ZFP90: variants seen among roughly 807,000 people sequenced by gnomAD.
ZFP90 encodes ZFP90 zinc finger protein.
A neutral mutation model predicts 60.8 loss-of-function variants in ZFP90; 38 were observed. The ratio of observed to expected loss-of-function variants is 0.62; its 90% confidence interval spans 0.48 to 0.82. ZFP90 has a LOEUF of 0.82. Ranked by LOEUF, ZFP90 falls within the 40% of genes least tolerant of loss-of-function variation. The pLI is 0.00. For synonymous variants in ZFP90, 287 were observed against 264.8 expected (o/e 1.08, Z -0.82); for missense variants, 711 against 759.1 (o/e 0.94, Z 0.74).
chr16:68,548,907 A>G (rs957869634), intron 2 of ZFP90, among the ~76,000 whole-genome samples: 1 of 152,086 alleles, frequency 6.6e-6, no homozygotes, highest in African/African-American at 2.4e-5. Context: ...TGTTAATGCC[A>G]TCGTTTTTCT....
chr16:68,566,084 G>C lies in ZFP90; in HGVS notation c.*1386G>C. 1 of 973,102 alleles carries C rather than the reference G, an allele frequency of 1.0e-6. No homozygotes were observed. Among genetic ancestry groups the C allele is most frequent in the South Asian group, 4.7e-5 (1 of 21,062 alleles). The allele number at this position is 973,102 out of a possible 1,614,324, so 60.3% of individuals were successfully genotyped here. A position where few individuals can be genotyped will look rare whatever the true frequency, so the allele number is the denominator to read the frequency against. ...GGGAGCAGAGACTGCAGTGAGCTGA[G>C]ATCACACTACTGCATTCCAGCCTGA... On this transcript the variant is annotated 3_prime_UTR_variant, in exon 5 of 5. Coordinates refer to ENST00000563169, the MANE Select transcript of ZFP90 (RefSeq NM_001305203.2).
At chr16:68,553,994 TGA>T in intron 2 of ZFP90, among the ~76,000 whole-genome samples, 1 of 151,686 alleles carries the variant, frequency 6.6e-6, no homozygotes, top group South Asian at 2.1e-4. Flanking sequence ...GGGGCAAGAG[TGA>T]GAGGAGAGAT....
intron 1 of ZFP90, 109 bp downstream of exon 1, chr16:68,539,588 G>T: frequency 1.8e-6 from 1 of 567,186 alleles, no homozygotes; most frequent in Admixed American, 3.5e-5. Flanking sequence ...TGTCCGGGAG[G>T]CCGCTGAGCC....
intron 2 of ZFP90, among the ~76,000 whole-genome samples, chr16:68,547,736 C>T (rs896226501): frequency 2.6e-5 from 4 of 151,772 alleles, no homozygotes; most frequent in African/African-American, 9.7e-5. Context: ...TCTCAGAGAA[C>T]ATTTAGGTTG....
chr16:68,543,571 T>C (rs1284362176), intron 2 of ZFP90, among the ~76,000 whole-genome samples: 1 of 151,878 alleles, frequency 6.6e-6, no homozygotes, highest in Non-Finnish European at 1.5e-5. Flanking sequence ...TTTTTCTTTT[T>C]TTTTTTTTGA....
At chr16:68,552,311 G>C (rs2091276744) in intron 2 of ZFP90, among the ~76,000 whole-genome samples, 1 of 152,194 alleles carries the variant, frequency 6.6e-6, no homozygotes, top group African/African-American at 2.4e-5. Context: ...GAAATTTGAA[G>C]GTGCCTGAGC....
chr16:68,553,816 G>T (rs1401182775), intron 2 of ZFP90, among the ~76,000 whole-genome samples: 1 of 152,052 alleles, frequency 6.6e-6, no homozygotes, highest in African/African-American at 2.4e-5. Flanking sequence ...TTAGAGATGG[G>T]GTCTCACTGT....
intron 2 of ZFP90, among the ~76,000 whole-genome samples, chr16:68,554,877 A>G (rs546582139): frequency 6.6e-6 from 1 of 152,324 alleles, no homozygotes; most frequent in South Asian, 2.1e-4. Context: ...GGCAATGACT[A>G]TTACTAAACC....
In ZFP90 at chr16:68,558,448, ATCTTG is replaced by A; in HGVS notation, c.161-23_161-19del. On this transcript the variant is annotated intron_variant, in intron 3 of 4. Transcript: ENST00000563169. ...TTTGTCCACTTGCACAAACAACCAA[ATCTTG>A]TGTATTTACCCATGAGCAGGATATC... is the stretch of plus-strand genomic sequence containing the variant. The A allele has an allele frequency of 1.9e-6, 3 of 1,607,636 alleles. No homozygotes were observed.
upstream of ZFP90, among the ~76,000 whole-genome samples, chr16:68,535,212 C>T (rs141937658): frequency 3.3e-5 from 5 of 152,322 alleles, no homozygotes; most frequent in Non-Finnish European, 7.3e-5. Context: ...ATTTAAACTA[C>T]ATTCTCAGCT....
downstream of ZFP90, among the ~76,000 whole-genome samples, chr16:68,570,165 T>A (rs1365894897): frequency 6.6e-6 from 1 of 152,174 alleles, no homozygotes; most frequent in Non-Finnish European, 1.5e-5. Context: ...CTCTAATTCC[T>A]CTTCTTCCAT....
At chr16:68,539,967 A>C (rs907091336) in intron 2 of ZFP90, 142 bp downstream of exon 2, 30 of 1,255,622 alleles carry the variant, frequency 2.4e-5, no homozygotes, top group Non-Finnish European at 3.1e-5. Context: ...GCCATGGAAA[A>C]CCCCAGGCTT....
chr16:68,539,897 G>A (rs2091008744), intron 2 of ZFP90, 72 bp downstream of exon 2: 1 of 1,552,676 alleles, frequency 6.4e-7, no homozygotes. Flanking sequence ...GGTGTTTGGA[G>A]CAGTCATTGT....
At chr16:68,542,961 A>T (rs1047674890) in intron 2 of ZFP90, among the ~76,000 whole-genome samples, 1 of 152,132 alleles carries the variant, frequency 6.6e-6, no homozygotes, top group African/African-American at 2.4e-5. Flanking sequence ...AATAAATTGT[A>T]TGGTATCCTA....
Position 68,539,799 on chromosome 16 carries a change from C to T in ZFP90, c.7C>T (p.Pro3Ser), listed in dbSNP as rs1489802906. Residue 3 changes from proline (P) to serine (S), a missense_variant, in exon 2 of 5, where the codon CCG becomes TCG. Coordinates refer to ENST00000563169, the MANE Select transcript of ZFP90 (RefSeq NM_001305203.2). MA[P>S]RPPTAAPQES... is the part of the protein sequence containing the mutation. Reference sequence around the variant, plus strand: ...GGGCCCTGGCGAGGCAGGAATGGCCCCGAGGCCTCCGACCGCCGCGCCCCA... The same window carrying T: ...GGGCCCTGGCGAGGCAGGAATGGCCTCGAGGCCTCCGACCGCCGCGCCCCA... The T allele has an allele frequency of 6.2e-7, 1 of 1,602,970 alleles. No individual in the cohort carries two copies. The highest frequency in any genetic ancestry group is 8.5e-7 in the Non-Finnish European group (1 of 1,176,442).
intron 3 of ZFP90, 132 bp downstream of exon 3, chr16:68,558,256 G>A: frequency 7.1e-7 from 1 of 1,411,210 alleles, no homozygotes; most frequent in South Asian, 1.2e-5. Context: ...AATCTCATTG[G>A]GACCCAGTTT....
At chr16:68,558,152 C>T in intron 3 of ZFP90, 28 bp downstream of exon 3, 1 of 1,609,854 alleles carries the variant, frequency 6.2e-7, no homozygotes, top group Non-Finnish European at 8.5e-7. Context: ...GAGTGTCTTT[C>T]CTGCTGATGG....
At chr16:68,555,713 G>C (rs1240558661) in intron 2 of ZFP90, among the ~76,000 whole-genome samples, 1 of 152,174 alleles carries the variant, frequency 6.6e-6, no homozygotes, top group Non-Finnish European at 1.5e-5. Flanking sequence ...TAAAGCACAT[G>C]ATAGGGAGGT....
Position 68,564,720 on chromosome 16 carries a change from T to C in ZFP90, c.*22T>C, listed in dbSNP as rs778711566. ...CTAGGAACCGTGAAATTAAGGAATTTGCAGAATGCTTTAGCTAAAATGTTC... is the reference window on the plus strand; with the variant it reads ...CTAGGAACCGTGAAATTAAGGAATTCGCAGAATGCTTTAGCTAAAATGTTC... On this transcript the variant is annotated 3_prime_UTR_variant, in exon 5 of 5. Coordinates refer to ENST00000563169, the MANE Select transcript of ZFP90 (RefSeq NM_001305203.2). The C allele has an allele frequency of 1.3e-6, 2 of 1,574,976 alleles. No homozygotes were observed. Among genetic ancestry groups the C allele is most frequent in the Non-Finnish European group, 1.7e-6 (2 of 1,164,912 alleles).
Sources: allele counts gnomAD v4.1 joint callset (sites outside exome capture counted in the v4.1 genomes callset), GRCh38; gene constraint gnomAD v4.1.1; transcripts MANE v1.5; gene names NCBI Gene and HGNC (gene_info 2026-07-23, HGNC 2026-07-21).